Variants in RCOR1 observed in about 807,000 individuals in gnomAD.
RCOR1 encodes REST corepressor 1, also known as REST corepressor.
Under a neutral mutation model 64.0 loss-of-function variants are expected in RCOR1, and 12 were observed. The ratio of observed to expected loss-of-function variants is 0.19; its 90% CI spans 0.12 to 0.30. The LOEUF is 0.30. RCOR1 is among the 10% of genes least tolerant of loss of function. RCOR1 has a pLI of 1.00. For missense variants in RCOR1, 502 were observed against 621.2 expected (o/e 0.81, Z 2.04); for synonymous variants, 279 against 227.2 (o/e 1.23, Z -2.05).
intron 2 of RCOR1, among the ~76,000 whole-genome samples, chr14:102,674,217 C>G (rs1895091811): frequency 6.6e-6 from 1 of 152,158 alleles, no homozygotes; most frequent in African/African-American, 2.4e-5. Context: ...GGATAAGGCC[C>G]ACCCACATTA....
At chr14:102,686,847 A>G (rs941536200) in intron 3 of RCOR1, among the ~76,000 whole-genome samples, 2 of 151,454 alleles carry the variant, frequency 1.3e-5, no homozygotes, top group African/African-American at 4.9e-5. Flanking sequence ...CCCCTCTCCC[A>G]CCCCCACATT....
intron 2 of RCOR1, among the ~76,000 whole-genome samples, chr14:102,670,399 C>T (rs1183202355): frequency 6.6e-6 from 1 of 151,956 alleles, no homozygotes; most frequent in African/African-American, 2.4e-5. Flanking sequence ...TTAAAGCAAA[C>T]CAAACAGCTG....
At chr14:102,603,485 C>T (rs1196267150) in intron 2 of RCOR1, among the ~76,000 whole-genome samples, 2 of 151,990 alleles carry the variant, frequency 1.3e-5, no homozygotes, top group African/African-American at 4.8e-5. Context: ...CCACTATGCC[C>T]AGCTAATATT....
chr14:102,674,586 T>C (rs2139951912), intron 2 of RCOR1, among the ~76,000 whole-genome samples: 1 of 152,330 alleles, frequency 6.6e-6, no homozygotes, highest in East Asian at 1.9e-4. Flanking sequence ...TTGCAAGGTA[T>C]CCACACGTCC....
intron 2 of RCOR1, chr14:102,658,737 A>G: frequency 2.0e-5 from 13 of 647,888 alleles, no homozygotes; most frequent in Non-Finnish European, 2.5e-5. Context: ...TTTCCCATTA[A>G]TGTCCATTTC....
At chr14:102,599,220 C>T (rs938196947) in intron 2 of RCOR1, among the ~76,000 whole-genome samples, 3 of 151,880 alleles carry the variant, frequency 2.0e-5, no homozygotes, top group Non-Finnish European at 4.4e-5. Flanking sequence ...ACCTCCTGGG[C>T]GCACACTATC....
intron 4 of RCOR1, among the ~76,000 whole-genome samples, chr14:102,701,720 T>G (rs531400772): frequency 5.8e-4 from 88 of 152,352 alleles, no homozygotes; most frequent in Non-Finnish European, 1.2e-3. Flanking sequence ...ATTCACCATT[T>G]TGAATCATTT....
At chr14:102,605,790 C>T (rs1311507104) in intron 2 of RCOR1, among the ~76,000 whole-genome samples, 5 of 152,130 alleles carry the variant, frequency 3.3e-5, no homozygotes, top group Admixed American at 6.6e-5. Flanking sequence ...GGCATTGTTA[C>T]TCTAGAATAT....
At chr14:102,676,609 C>A (rs1243059339) in intron 2 of RCOR1, among the ~76,000 whole-genome samples, 1 of 88,304 alleles carries the variant, frequency 1.1e-5, no homozygotes, top group Non-Finnish European at 2.3e-5. Flanking sequence ...ACCTCCCGGA[C>A]GGGGCGGCTG....
Position 102,649,067 on chromosome 14 carries a change from A to C in RCOR1, c.362-32828A>C, listed in dbSNP as rs551848268. Among the ~76,000 whole-genome samples, 292 of 91,198 alleles carry C rather than the reference A, an allele frequency of 3.2e-3. 3 individuals carry two copies. The highest frequency in any genetic ancestry group is 0.012 in the African/African-American group (274 of 22,996). 59.8% of individuals were successfully genotyped at this position (91,198 alleles called of 152,430 possible). A position where few individuals can be genotyped will look rare whatever the true frequency, so the allele number is the denominator to read the frequency against. On this transcript the variant is annotated intron_variant, in intron 2 of 11. Transcript: ENST00000262241. The stretch of plus-strand genomic sequence containing the variant: ...AGAAAACCAAACAAGCAAAAAAAAC[A>C]AAAAAAAAATAGAATTATTAATTCC...
intron 3 of RCOR1, among the ~76,000 whole-genome samples, chr14:102,694,129 C>T (rs572638649): frequency 1.3e-5 from 2 of 152,348 alleles, no homozygotes; most frequent in South Asian, 4.1e-4. Context: ...CATCACTGCC[C>T]TACCAGCAAC....
intron 2 of RCOR1, among the ~76,000 whole-genome samples, chr14:102,596,096 G>T (rs1345498435): frequency 2.0e-5 from 3 of 151,534 alleles, no homozygotes; most frequent in Non-Finnish European, 4.4e-5. Context: ...GAATAGAAAT[G>T]ATACAACATT....
chr14:102,681,058 C>G (rs768472119), intron 2 of RCOR1, among the ~76,000 whole-genome samples: 5 of 152,096 alleles, frequency 3.3e-5, no homozygotes, highest in Non-Finnish European at 7.4e-5. Flanking sequence ...GATGGGAGAT[C>G]TGGTGGTATC....
intron 2 of RCOR1, among the ~76,000 whole-genome samples, chr14:102,640,218 C>A (rs1234426830): frequency 6.6e-6 from 1 of 151,504 alleles, no homozygotes; most frequent in Non-Finnish European, 1.5e-5. Context: ...TCCGGAATTT[C>A]AGATCGCCCA....
intron 2 of RCOR1, among the ~76,000 whole-genome samples, chr14:102,616,380 C>G (rs1034907367): frequency 6.6e-6 from 1 of 152,044 alleles, no homozygotes. Flanking sequence ...GGCTATCCTC[C>G]CATCTCAGCC....
chr14:102,687,952 T>C (rs1315915197), intron 3 of RCOR1, among the ~76,000 whole-genome samples: 2 of 147,908 alleles, frequency 1.4e-5, no homozygotes, highest in Non-Finnish European at 3.0e-5. Context: ...ACAGAAGAAA[T>C]GATAGCATTT....
At chr14:102,650,266 T>C (rs1595212314) in intron 2 of RCOR1, among the ~76,000 whole-genome samples, 2 of 151,272 alleles carry the variant, frequency 1.3e-5, no homozygotes, top group East Asian at 3.9e-4. Flanking sequence ...CCTGGCACTT[T>C]GGGAGGCTGA....
chr14:102,634,639 T>A, intron 2 of RCOR1, among the ~76,000 whole-genome samples: 1 of 139,856 alleles, frequency 7.2e-6, no homozygotes, highest in Non-Finnish European at 1.5e-5. Flanking sequence ...TATGTGTGTA[T>A]ATATATATAT....
chr14:102,700,183 G>T (rs778144226), intron 3 of RCOR1, among the ~76,000 whole-genome samples: 1 of 152,052 alleles, frequency 6.6e-6, no homozygotes, highest in South Asian at 2.1e-4. Flanking sequence ...CTTGTTTGTT[G>T]TAGAAAGTTT....
Sources: allele counts gnomAD v4.1 joint callset (sites outside exome capture counted in the v4.1 genomes callset), GRCh38; gene constraint gnomAD v4.1.1; transcripts MANE v1.5; gene names NCBI Gene and HGNC (gene_info 2026-07-23, HGNC 2026-07-21).